Variants in LIG4 observed in about 807,000 individuals in gnomAD.
LIG4 encodes the protein DNA joinase.
A neutral mutation model predicts 19.0 loss-of-function variants in LIG4; 13 were observed. The ratio of observed to expected loss-of-function variants is 0.68; its 90% CI spans 0.44 to 1.09. LIG4 has a LOEUF of 1.09. Among genes scored for constraint, LIG4 ranks in the 50% least tolerant of loss-of-function variants. LIG4 has a pLI of 0.00. For synonymous variants in LIG4, 361 were observed against 358.2 expected (o/e 1.01, Z -0.09); for missense variants, 1,026 against 1,089.7 (o/e 0.94, Z 0.82).
intron 2 of LIG4, among the ~76,000 whole-genome samples, chr13:108,214,292 T>C (rs1878980811): frequency 6.6e-6 from 1 of 152,112 alleles, no homozygotes; most frequent in East Asian, 1.9e-4. Flanking sequence ...TAGTGACAAT[T>C]TGGGACAATC....
At position 108,209,203 on chromosome 13, in the gene LIG4, A is replaced by G. The variant is rs746539398; in HGVS notation, c.2066T>C (p.Ile689Thr). ...ENRIAEFGGYIVQNPGPDTYC... is the reference protein window; with the variant it reads ...ENRIAEFGGYTVQNPGPDTYC... The stretch of plus-strand genomic sequence containing the variant: ...CGTGTCTGGGCCTGGATTTTGTACT[A>G]TATAACCACCAAATTCTGCAATTCT... Residue 689 changes from isoleucine (I) to threonine (T), a missense_variant, in exon 3 of 3, where the codon ATA becomes ACA. Ile to Thr is a moderately conservative substitution (Grantham distance 89). Transcript: ENST00000442234. The G allele has an allele frequency of 2.5e-6, 4 of 1,614,096 alleles. No homozygotes were observed. The African/African-American group carries it at 4.0e-5, about 16-fold the overall frequency.
In LIG4 at chr13:108,210,662, T is replaced by C. The variant is rs778278351; in HGVS notation, c.607A>G (p.Ile203Val). The C allele has an allele frequency of 3.8e-5, 62 of 1,613,726 alleles. No individual in the cohort carries two copies. Among genetic ancestry groups the C allele is most frequent in the Non-Finnish European group, 4.8e-5 (57 of 1,179,966 alleles). ...DLKLGVSQQTIFSVFHNDAAE... is the reference protein window; with the variant it reads ...DLKLGVSQQTVFSVFHNDAAE... ...GCATCATTATGAAAAACAGAAAAGA[T>C]AGTTTGCTGACTAACACCAAGCTTT... The change falls in exon 3 of 3, where the codon ATC (isoleucine) becomes GTC (valine). Residue 203 changes from isoleucine (I) to valine (V), a missense_variant. Coordinates refer to ENST00000442234, the MANE Select transcript of LIG4 (RefSeq NM_206937.2).
chr13:108,212,217 G>GC (rs1878742502), intron 2 of LIG4, among the ~76,000 whole-genome samples: 1 of 151,520 alleles, frequency 6.6e-6, no homozygotes, highest in South Asian at 2.1e-4. Context: ...GAAAAAAAGG[G>GC]GGGGAGTGTA....
upstream of LIG4, among the ~76,000 whole-genome samples, chr13:108,217,046 G>C (rs1056822106): frequency 6.6e-6 from 1 of 152,154 alleles, no homozygotes; most frequent in African/African-American, 2.4e-5. Flanking sequence ...CTTTGACCTG[G>C]AGCTCTCCAT....
At position 108,209,295 on chromosome 13, in the gene LIG4, T is replaced by C. The variant is rs139713386; in HGVS notation, c.1974A>G (p.Ile658Met). 9.9e-6 allele frequency: 16 copies of C among 1,614,006 alleles called. No individual in the cohort carries two copies. The African/African-American group carries it at 1.9e-4, about 19-fold the overall frequency. Residue 658 changes from isoleucine to methionine, a missense_variant, in exon 3 of 3, where the codon ATA becomes ATG. Physicochemically the swap from Ile to Met is conservative, Grantham distance 10. Transcript: ENST00000442234. Reference sequence around the variant, plus strand: ...TAACACAAAACTCTACATCTTCAAATATATTAGAAATTTTGTTAACGTTAG... The same window carrying C: ...TAACACAAAACTCTACATCTTCAAACATATTAGAAATTTTGTTAACGTTAG... ...NLTNVNKISN[I>M]FEDVEFCVMS...
intron 2 of LIG4, among the ~76,000 whole-genome samples, chr13:108,212,083 TC>T (rs1033350319): frequency 6.6e-6 from 1 of 151,936 alleles, no homozygotes; most frequent in Non-Finnish European, 1.5e-5. Context: ...TGCCAGTTAT[TC>T]CCTGAGTATT....
At chr13:108,217,764 AG>A (rs1427153345), upstream of LIG4, among the ~76,000 whole-genome samples, 1 of 152,044 alleles carries the variant, frequency 6.6e-6, no homozygotes, top group African/African-American at 2.4e-5. Context: ...TAGGGGACAT[AG>A]AATAAGGAAA....
upstream of LIG4, among the ~76,000 whole-genome samples, chr13:108,217,793 C>T (rs2139003688): frequency 6.6e-6 from 1 of 151,992 alleles, no homozygotes; most frequent in East Asian, 1.9e-4. Flanking sequence ...GGAGGGGAGG[C>T]ACACATCTGT....
In LIG4 at chr13:108,208,501, A is replaced by T. The variant is rs1244363925; in HGVS notation, c.*32T>A. ...CCACCTGCTGCAATGAGTCTGCCAG[A>T]TCAGAGGCTTTCCTCACTAGGAAAC... On this transcript the variant is annotated 3_prime_UTR_variant, in exon 3 of 3. Coordinates refer to ENST00000442234, the MANE Select transcript of LIG4 (RefSeq NM_206937.2). 1 of 1,395,112 alleles carries T rather than the reference A, an allele frequency of 7.2e-7. No individual in the cohort carries two copies. The highest frequency in any genetic ancestry group is 1.0e-6 in the Non-Finnish European group (1 of 984,240). 86.4% of individuals were successfully genotyped at this position (1,395,112 alleles called of 1,614,324 possible). A position where few individuals can be genotyped will look rare whatever the true frequency, so the allele number is the denominator to read the frequency against.
Position 108,210,791 on chromosome 13 carries a change from A to T in LIG4, c.478T>A (p.Ser160Thr). ...TTTATTAGGTCTTTTCTTTTAGCAG[A>T]ATTATTGCTGGCAATTGAGTCTAAA... ...DLLDSIASNN[S>T]AKRKDLIKKS... The change falls in exon 3 of 3, where the codon TCT becomes ACT. Residue 160 changes from serine to threonine, a missense_variant. This residue lies in a region of LIG4 where 493 missense variants were observed against 544.5 expected (regional missense o/e 0.91). Transcript: ENST00000442234. 2 of 1,614,020 alleles carry T rather than the reference A, an allele frequency of 1.2e-6. No homozygotes were observed. Among genetic ancestry groups the T allele is most frequent in the Non-Finnish European group, 1.7e-6 (2 of 1,179,946 alleles).
Position 108,209,959 on chromosome 13 carries a change from A to G in LIG4, c.1310T>C (p.Ile437Thr), listed in dbSNP as rs1258212461. The G allele has an allele frequency of 1.2e-6, 2 of 1,613,618 alleles. No individual in the cohort carries two copies. The highest frequency in any genetic ancestry group is 1.7e-6 in the Non-Finnish European group (2 of 1,179,942). Residue 437 changes from isoleucine (I) to threonine (T), a missense_variant, in exon 3 of 3, where the codon ATC (isoleucine) becomes ACC (threonine). Physicochemically the swap from Ile to Thr is moderately conservative, Grantham distance 89 (BLOSUM62 -1). This residue lies in a region of LIG4 where 493 missense variants were observed against 544.5 expected (regional missense o/e 0.91). Transcript: ENST00000442234. ...EGIMVKQPLS[I>T]YKPDKRGEGW... Reference sequence around the variant, plus strand: ...TTCACCTCTTTTGTCTGGCTTGTAGATGGATAGAGGTTGTTTTACCATAAT... The same window carrying G: ...TTCACCTCTTTTGTCTGGCTTGTAGGTGGATAGAGGTTGTTTTACCATAAT...
In LIG4 at chr13:108,209,026, G is replaced by A. The variant is rs1357216138; in HGVS notation, c.2243C>T (p.Pro748Leu). 3.7e-6 allele frequency: 6 copies of A among 1,614,140 alleles called. No individual in the cohort carries two copies. The highest frequency in any genetic ancestry group is 5.1e-6 in the Non-Finnish European group (6 of 1,180,028). ...WQPRFMIHMC[P>L]STKEHFAREY... ...ACGGGCAAAATGTTCTTTGGTTGAT[G>A]GGCACATATGAATCATAAAGCGAGG... The change falls in exon 3 of 3, where the codon CCA becomes CTA. Residue 748 changes from proline (P) to leucine (L), a missense_variant. Pro to Leu is a moderately conservative substitution (Grantham distance 98). Around this residue, in one of 3 missense-constraint regions of LIG4, gnomAD observed 521 missense variants for 515.5 expected, o/e 1.01. Transcript: ENST00000442234.
Position 108,210,670 on chromosome 13 carries a change from T to C in LIG4, c.599A>G (p.Gln200Arg). 1 of 1,613,828 alleles carries C rather than the reference T, an allele frequency of 6.2e-7. No homozygotes were observed. Among genetic ancestry groups the C allele is most frequent in the Non-Finnish European group, 8.5e-7 (1 of 1,179,946 alleles). Residue 200 changes from glutamine to arginine, a missense_variant, in exon 3 of 3, where the codon CAG (glutamine) becomes CGG (arginine). Gln to Arg is a conservative substitution (Grantham distance 43). Transcript: ENST00000442234. ...IIKDLKLGVS[Q>R]QTIFSVFHND... ...ATGAAAAACAGAAAAGATAGTTTGC[T>C]GACTAACACCAAGCTTTAAATCCTT... is the stretch of plus-strand genomic sequence containing the variant.
At position 108,208,876 on chromosome 13, in the gene LIG4, T is replaced by G. The variant is rs747270261; in HGVS notation, c.2393A>C (p.Asp798Ala). Reference protein sequence around the residue: ...TPEEMASLIADLEYRYSWDCS... With the variant: ...TPEEMASLIAALEYRYSWDCS... ...ATCCCAGGAATACCGATATTCTAAA[T>G]CAGCAATCAGAGAAGCCATTTCTTC... The change falls in exon 3 of 3, where the codon GAT becomes GCT. Residue 798 changes from aspartate (D) to alanine (A), a missense_variant. By Grantham distance (126) the Asp-to-Ala change is moderately radical. Transcript: ENST00000442234. The G allele has an allele frequency of 1.2e-6, 2 of 1,614,120 alleles. No individual in the cohort carries two copies. The highest frequency in any genetic ancestry group is 2.2e-5 in the South Asian group (2 of 91,084).
chr13:108,217,595 G>T (rs1336650940), upstream of LIG4, among the ~76,000 whole-genome samples: 1 of 151,952 alleles, frequency 6.6e-6, no homozygotes, highest in Non-Finnish European at 1.5e-5. Flanking sequence ...TAGGTCAGAG[G>T]CTGAGGCGAG....
Position 108,209,709 on chromosome 13 carries a change from C to T in LIG4, c.1560G>A (p.Leu520=), listed in dbSNP as rs756164120. 79 of 1,613,992 alleles carry T rather than the reference C, an allele frequency of 4.9e-5. No individual in the cohort carries two copies. Among genetic ancestry groups the T allele is most frequent in the Middle Eastern group, 3.3e-4 (2 of 6,084 alleles). ...CTMKELYDLG[L]KLAKYWKPFH... ...AAGGCTTCCAATACTTGGCCAATTT[C>T]AAACCCAGATCATACAGTTCTTTCA... Residue 520 remains leucine, a synonymous_variant, in exon 3 of 3, where the codon TTG becomes TTA. Transcript: ENST00000442234.
Position 108,208,804 on chromosome 13 carries a change from G to C in LIG4, c.2465C>G (p.Ser822Trp). The C allele has an allele frequency of 1.2e-6, 2 of 1,614,060 alleles. No individual in the cohort carries two copies. Among genetic ancestry groups the C allele is most frequent in the South Asian group, 1.1e-5 (1 of 91,076 alleles). ...ACTCAGGTCATTAATAACAGCATAC[G>C]AGTCCAAATAAACGGTGTGGCGTCG... The part of the protein sequence containing the change: ...MFRRHTVYLD[S>W]YAVINDLSTK... Residue 822 changes from serine to tryptophan, a missense_variant, in exon 3 of 3, where the codon TCG becomes TGG. Ser to Trp is a radical substitution (Grantham distance 177). Coordinates refer to ENST00000442234, the MANE Select transcript of LIG4 (RefSeq NM_206937.2).
At chr13:108,215,097 A>G (rs1594476802) in intron 1 of LIG4, among the ~76,000 whole-genome samples, 1 of 42,466 alleles carries the variant, frequency 2.4e-5, no homozygotes, top group African/African-American at 1.0e-4. Context: ...CACACCCCAC[A>G]CCTGCCACCC....
chr13:108,209,229 G>A lies in LIG4; in HGVS notation c.2040C>T (p.Asn680=). ...TATAACCACCAAATTCTGCAATTCT[G>A]TTCTCCAGGTCAGGCTTTGGCTGGC... ...TDSQPKPDLE[N]RIAEFGGYIV... is the part of the protein sequence containing the mutation. Residue 680 remains asparagine, a synonymous_variant, in exon 3 of 3, where the codon AAC becomes AAT. Coordinates refer to ENST00000442234, the MANE Select transcript of LIG4 (RefSeq NM_206937.2). The A allele has an allele frequency of 1.9e-6, 3 of 1,614,140 alleles. No individual in the cohort carries two copies. The highest frequency in any genetic ancestry group is 1.6e-4 in the Middle Eastern group (1 of 6,062).
Sources: gnomAD v4.1 joint callset for allele counts (sites outside exome capture counted in the v4.1 genomes callset) on GRCh38, gnomAD v4.1.1 for gene constraint, gnomAD v4.1.1 regional missense constraint, MANE v1.5 for transcripts, NCBI Gene and HGNC (gene_info 2026-07-23, HGNC 2026-07-21) for gene names.